Variants in PEX5L observed in about 807,000 individuals in gnomAD.
The protein encoded by PEX5L is PEX5-related protein.
A neutral mutation model predicts 84.0 loss-of-function variants in PEX5L; 30 were observed. That is an observed-to-expected ratio of 0.36 (90% CI 0.27 to 0.48). PEX5L has a LOEUF of 0.48. PEX5L is among the 20% of genes least tolerant of loss of function. The pLI, the probability that PEX5L is intolerant of heterozygous loss-of-function variation, is 0.99. For missense variants in PEX5L, 533 were observed against 754.6 expected, an observed-to-expected ratio of 0.71 and a Z score of 3.44; for synonymous variants, 270 against 283.1, an observed-to-expected ratio of 0.95 and a Z score of 0.46.
At chr3:179,880,485 T>A (rs1027423625) in intron 4 of PEX5L, among the ~76,000 whole-genome samples, 1 of 152,254 alleles carries the variant, frequency 6.6e-6, no homozygotes, top group Non-Finnish European at 1.5e-5. Flanking sequence ...GAGGAGTCAA[T>A]CTACCATATT....
In PEX5L at chr3:179,875,448, C is replaced by T. The variant is rs746551798; in HGVS notation, c.535G>A (p.Asp179Asn). Residue 179 changes from aspartate (D) to asparagine (N), a missense_variant, in exon 6 of 15, where the codon GAT (aspartate) becomes AAT (asparagine). Physicochemically the swap from Asp to Asn is conservative, Grantham distance 23 (BLOSUM62 1). Around this residue, in one of 8 missense-constraint regions of PEX5L, gnomAD observed 259 missense variants for 301.7 expected, o/e 0.86. Coordinates refer to ENST00000467460, the MANE Select transcript of PEX5L (RefSeq NM_016559.3). ...TTTCGATCTCCATGAAACTTAACAT[C>T]GTCCCATTTTTCCAGTTGTGTTTGA... ...DIQTQLEKWD[D>N]VKFHGDRNTK... The T allele has an allele frequency of 1.1e-5, 17 of 1,608,762 alleles. No individual in the cohort carries two copies. Among genetic ancestry groups the T allele is most frequent in the South Asian group, 4.4e-5 (4 of 90,990 alleles).
chr3:180,032,690 C>CA (rs1218595682), intron 1 of PEX5L, among the ~76,000 whole-genome samples: 1 of 152,056 alleles, frequency 6.6e-6, no homozygotes, highest in Non-Finnish European at 1.5e-5. Context: ...CCTGTCTCTA[C>CA]AAAAAATACA....
At chr3:179,938,912 G>A (rs1246072997) in intron 2 of PEX5L, among the ~76,000 whole-genome samples, 12 of 152,126 alleles carry the variant, frequency 7.9e-5, no homozygotes, top group East Asian at 1.9e-4. Context: ...TCAGTGCACC[G>A]TCACTTACTG....
At chr3:179,938,134 A>G (rs1204947780) in intron 2 of PEX5L, among the ~76,000 whole-genome samples, 1 of 152,170 alleles carries the variant, frequency 6.6e-6, no homozygotes, top group Non-Finnish European at 1.5e-5. Context: ...AACATCTTAA[A>G]GGTAAACTCT....
At chr3:179,998,135 T>C (rs1260302936) in intron 1 of PEX5L, among the ~76,000 whole-genome samples, 1 of 152,210 alleles carries the variant, frequency 6.6e-6, no homozygotes, top group Non-Finnish European at 1.5e-5. Flanking sequence ...GTAAAATTTC[T>C]AGGGGTCCAG....
intron 4 of PEX5L, among the ~76,000 whole-genome samples, chr3:179,882,311 T>G (rs904659585): frequency 6.6e-6 from 1 of 152,246 alleles, no homozygotes; most frequent in Admixed American, 6.5e-5. Flanking sequence ...ACATTCAGAA[T>G]AAATGAATTA....
chr3:179,835,374 A>T (rs55701134), intron 8 of PEX5L, among the ~76,000 whole-genome samples: 3 of 149,342 alleles, frequency 2.0e-5, no homozygotes, highest in Non-Finnish European at 3.0e-5. Context: ...TTTTTTTTTT[A>T]AATAAAAACA....
intron 8 of PEX5L, 106 bp from the exon 9 acceptor site, chr3:179,820,082 A>C: frequency 6.5e-7 from 1 of 1,530,836 alleles, no homozygotes; most frequent in Non-Finnish European, 8.8e-7. Context: ...GGAGGAATAA[A>C]ATGGCTGATG....
chr3:179,826,251 T>C (rs1198909642), intron 8 of PEX5L, among the ~76,000 whole-genome samples: 1 of 152,228 alleles, frequency 6.6e-6, no homozygotes, highest in Non-Finnish European at 1.5e-5. Context: ...ATTTCCTTTC[T>C]CTTCCTCCTT....
chr3:179,860,233 T>C (rs1406651975), intron 7 of PEX5L, among the ~76,000 whole-genome samples: 2 of 152,222 alleles, frequency 1.3e-5, no homozygotes, highest in African/African-American at 4.8e-5. Flanking sequence ...AGACAAGGGA[T>C]GAGTGCCCAC....
intron 7 of PEX5L, among the ~76,000 whole-genome samples, chr3:179,872,846 A>AT (rs1409431845): frequency 1.3e-5 from 2 of 152,300 alleles, no homozygotes; most frequent in East Asian, 3.9e-4. Context: ...ATCATGAAAT[A>AT]TTTTTCTGAT....
intron 2 of PEX5L, among the ~76,000 whole-genome samples, chr3:179,956,264 A>C (rs184915499): frequency 6.6e-6 from 1 of 152,220 alleles, no homozygotes; most frequent in East Asian, 1.9e-4. Flanking sequence ...GATCTTAATA[A>C]CTTTCTGTAC....
Position 179,922,548 on chromosome 3 carries a change from A to C in PEX5L, c.94-24302T>G, listed in dbSNP as rs1183941385. 2.0e-5 allele frequency among the ~76,000 whole-genome samples: 3 copies of C among 150,312 alleles called. No individual in the cohort carries two copies. The Admixed American group carries it at 2.0e-4, about 10-fold the overall frequency. On this transcript the variant is annotated intron_variant, in intron 2 of 14. Transcript: ENST00000467460. Reference sequence around the variant, plus strand: ...ACCGCAACCTCTGCCTCCTGAGTTCAAGTGATTCTCCCACCTCAGCCTCCC... The same window carrying C: ...ACCGCAACCTCTGCCTCCTGAGTTCCAGTGATTCTCCCACCTCAGCCTCCC...
intron 2 of PEX5L, among the ~76,000 whole-genome samples, chr3:179,915,315 C>G (rs759912097): frequency 6.6e-6 from 1 of 152,114 alleles, no homozygotes; most frequent in Non-Finnish European, 1.5e-5. Context: ...TGAATTTTAC[C>G]GTGCAGTAGT....
intron 1 of PEX5L, among the ~76,000 whole-genome samples, chr3:180,026,334 A>G (rs969046098): frequency 2.6e-5 from 4 of 151,978 alleles, no homozygotes; most frequent in African/African-American, 9.7e-5. Context: ...TTTGTCTTAC[A>G]TAAATCTTCC....
chr3:179,940,087 G>T (rs1425743124), intron 2 of PEX5L, among the ~76,000 whole-genome samples: 4 of 152,140 alleles, frequency 2.6e-5, no homozygotes, highest in Non-Finnish European at 5.9e-5. Flanking sequence ...GATGGACTAT[G>T]TGCTGGTTCT....
intron 4 of PEX5L, among the ~76,000 whole-genome samples, chr3:179,885,847 T>C (rs1755688668): frequency 1.3e-5 from 2 of 152,166 alleles, no homozygotes; most frequent in Admixed American, 6.5e-5. Context: ...CCTGAAAGCA[T>C]GATTTTGGGC....
chr3:179,832,304 C>G (rs1733338367), intron 8 of PEX5L, among the ~76,000 whole-genome samples: 1 of 152,058 alleles, frequency 6.6e-6, no homozygotes, highest in Admixed American at 6.5e-5. Context: ...ATCCTATTCA[C>G]CAACTACCTG....
rs1791933746 is a variant in PEX5L at position 180,036,634 on chromosome 3, C to T, written c.-35G>A. The T allele has an allele frequency of 1.2e-6, 2 of 1,613,466 alleles. No homozygotes were observed. Among genetic ancestry groups the T allele is most frequent in the Non-Finnish European group, 8.5e-7 (1 of 1,179,462 alleles). On this transcript the variant is annotated 5_prime_UTR_variant, in exon 1 of 15. In the 5' UTR this introduces an upstream ATG that the reference lacks. Coordinates refer to ENST00000467460, the MANE Select transcript of PEX5L (RefSeq NM_016559.3). ...GTTTCTTCAGGGCTCCCTGAGGCCACCGGATGCTTTTCCCCCGTGCTTACT... is the reference window on the plus strand; with the variant it reads ...GTTTCTTCAGGGCTCCCTGAGGCCATCGGATGCTTTTCCCCCGTGCTTACT...
Sources: allele counts gnomAD v4.1 joint callset (sites outside exome capture counted in the v4.1 genomes callset), GRCh38; gene constraint gnomAD v4.1.1; regional missense constraint gnomAD v4.1.1; transcripts MANE v1.5; gene names NCBI Gene and HGNC (gene_info 2026-07-23, HGNC 2026-07-21).